Variants in ATP1A1 observed in about 807,000 individuals in gnomAD.
ATP1A1 encodes ATPase Na+/K+ transporting subunit alpha 1, also known as sodium/potassium-transporting ATPase subunit alpha-1.
ATP1A1 carries 14 observed loss-of-function variants against 114.8 expected under a neutral mutation model. That is an observed-to-expected ratio of 0.12 (90% CI 0.08 to 0.19). The LOEUF (loss-of-function observed/expected upper bound fraction) is 0.19, where lower values mean the gene tolerates loss of function less well. Among genes scored for constraint, ATP1A1 ranks in the 10% least tolerant of loss-of-function variants. ATP1A1 has a pLI of 1.00. For missense variants in ATP1A1, 524 were observed against 1,290.7 expected (o/e 0.41, Z 9.10); for synonymous variants, 471 against 466.3 (o/e 1.01, Z -0.13).
Position 116,397,880 on chromosome 1 carries a change from A to C in ATP1A1, c.1974-8A>C, listed in dbSNP as rs1342388432. ...GTGACTTTTTTTTTTTTTTTGTCCT[A>C]ATTCTAGGGATGCCAAGGCCTGCGT... On this transcript the variant is annotated splice_region_variant and splice_polypyrimidine_tract_variant and intron_variant, in intron 14 of 22. Coordinates refer to ENST00000295598, the MANE Select transcript of ATP1A1 (RefSeq NM_000701.8). The surrounding 1 kb of genome is among the most constrained non-coding windows in gnomAD (Gnocchi z 4.2). 16 of 1,559,916 alleles carry C rather than the reference A, an allele frequency of 1.0e-5. No homozygotes were observed. The highest frequency in any genetic ancestry group is 1.4e-5 in the African/African-American group (1 of 69,094).
In ATP1A1 at chr1:116,404,018, G is replaced by T; in HGVS notation, c.3043+43G>T. 2 of 1,574,992 alleles carry T rather than the reference G, an allele frequency of 1.3e-6. No individual in the cohort carries two copies. Among genetic ancestry groups the T allele is most frequent in the South Asian group, 2.2e-5 (2 of 89,650 alleles). On this transcript the variant is annotated intron_variant, in intron 22 of 22. Transcript: ENST00000295598. The surrounding 1 kb of genome is among the most constrained non-coding windows in gnomAD (Gnocchi z 4.8). Reference sequence around the variant, plus strand: ...GACTTTGGTTGGAGGAGGAGTGGGAGGGGCTATAGTTCTATTGGTTTTTTG... The same window carrying T: ...GACTTTGGTTGGAGGAGGAGTGGGATGGGCTATAGTTCTATTGGTTTTTTG...
Position 116,388,765 on chromosome 1 carries a change from G to T in ATP1A1, c.629G>T (p.Gly210Val). The change falls in exon 6 of 23, where the codon GGC becomes GTC. Residue 210 changes from glycine (G) to valine (V), a missense_variant. By Grantham distance (109) the Gly-to-Val change is moderately radical. Around this residue, in one of 8 missense-constraint regions of ATP1A1, gnomAD observed 141 missense variants for 316.6 expected, o/e 0.45. Transcript: ENST00000295598. The surrounding 1 kb of genome is among the most constrained non-coding windows in gnomAD (Gnocchi z 5.6). ...PADLRIISAN[G>V]CKVDNSSLTG... is the part of the protein sequence containing the mutation. ...GACCTCAGAATCATATCTGCAAATG[G>T]CTGCAAGGTAGCTCTTTTATTTTAA... The T allele has an allele frequency of 6.2e-7, 1 of 1,614,080 alleles. No individual in the cohort carries two copies. The highest frequency in any genetic ancestry group is 8.5e-7 in the Non-Finnish European group (1 of 1,180,014).
rs1005671557 is a variant in ATP1A1, at chr1:116,385,076, G to A, written c.183+234G>A. On this transcript the variant is annotated intron_variant, in intron 3 of 22. Coordinates refer to ENST00000295598, the MANE Select transcript of ATP1A1 (RefSeq NM_000701.8). This position sits in a 1 kb window ranked among gnomAD's most constrained non-coding sequence, Gnocchi z 4.3. ...CTTTTCCCTATTTTATAGCAGTTGA[G>A]AGCCAGTAAGTGGGAACACCAGGAC... The A allele has an allele frequency of 4.3e-6, 2 of 469,556 alleles. No individual in the cohort carries two copies. The highest frequency in any genetic ancestry group is 7.5e-6 in the Non-Finnish European group (2 of 265,532). The allele number at this position is 469,556 out of a possible 1,614,324, so 29.1% of individuals were successfully genotyped here.
chr1:116,386,862 A>G (rs1652133504), intron 3 of ATP1A1, among the ~76,000 whole-genome samples: 1 of 152,220 alleles, frequency 6.6e-6, no homozygotes, highest in African/African-American at 2.4e-5. Flanking sequence ...TGATGTTTGT[A>G]GAGGGGTTTT....
chr1:116,396,474 C>T, intron 13 of ATP1A1, 124 bp from the exon 14 acceptor site: 5 of 1,218,722 alleles, frequency 4.1e-6, no homozygotes, highest in South Asian at 3.3e-5. Flanking sequence ...TTTATATTTG[C>T]ATTCCTTTCC....
intron 8 of ATP1A1, 41 bp from the exon 9 acceptor site, chr1:116,390,172 G>C: frequency 1.3e-6 from 2 of 1,584,906 alleles, no homozygotes; most frequent in Non-Finnish European, 1.7e-6. Context: ...TAGAATTCCA[G>C]CCTGGTTGAG....
At chr1:116,382,926 C>CT (rs1040730458) in intron 1 of ATP1A1, among the ~76,000 whole-genome samples, 1 of 152,044 alleles carries the variant, frequency 6.6e-6, no homozygotes, top group Non-Finnish European at 1.5e-5. Flanking sequence ...ACTTTTTGGC[C>CT]TTAAGTTGTA....
In ATP1A1 at chr1:116,393,446, T is replaced by C. The variant is rs139336321; in HGVS notation, c.1468-85T>C. On this transcript the variant is annotated intron_variant, in intron 11 of 22. Transcript: ENST00000295598. This position sits in a 1 kb window ranked among gnomAD's most constrained non-coding sequence, Gnocchi z 5.0. ...ATCTTGGGTCTTTTATAGCAAATAC[T>C]AAATAGTAAGTGAAGCTTTGTTTTC... 5.1e-5 allele frequency: 73 copies of C among 1,428,010 alleles called. No homozygotes were observed. In the African/African-American group the frequency reaches 9.0e-4, roughly 18 times the overall value. The allele number at this position is 1,428,010 out of a possible 1,614,324, so 88.5% of individuals were successfully genotyped here. A position where few individuals can be genotyped will look rare whatever the true frequency, so the allele number is the denominator to read the frequency against.
Position 116,389,131 on chromosome 1 carries a change from G to A in ATP1A1, c.754+112G>A. 1.8e-6 allele frequency: 2 copies of A among 1,121,082 alleles called. No homozygotes were observed. Among genetic ancestry groups the A allele is most frequent in the South Asian group, 2.8e-5 (2 of 70,738 alleles). 69.4% of individuals were successfully genotyped at this position (1,121,082 alleles called of 1,614,324 possible). On this transcript the variant is annotated intron_variant, in intron 7 of 22. Coordinates refer to ENST00000295598, the MANE Select transcript of ATP1A1 (RefSeq NM_000701.8). This position sits in a 1 kb window ranked among gnomAD's most constrained non-coding sequence, Gnocchi z 6.9. Reference sequence around the variant, plus strand: ...TTATTGGCTCCATTTCTGAGAACTTGTGTCAAGCACAGAGCAGAGGTGTTT... The same window carrying A: ...TTATTGGCTCCATTTCTGAGAACTTATGTCAAGCACAGAGCAGAGGTGTTT...
At chr1:116,373,877 G>T in intron 1 of ATP1A1, 2 of 1,271,580 alleles carry the variant, frequency 1.6e-6, no homozygotes, top group South Asian at 4.8e-5. Flanking sequence ...AGCAGCGGGG[G>T]CGGCCCCGGG....
Position 116,395,686 on chromosome 1 carries a change from A to G in ATP1A1, c.1836+401A>G, listed in dbSNP as rs954790731. On this transcript the variant is annotated intron_variant, in intron 13 of 22. Transcript: ENST00000295598. The surrounding 1 kb of genome is among the most constrained non-coding windows in gnomAD (Gnocchi z 6.4). ...TATCTGTCTTTTTTTAAGTAGCTGA[A>G]TATTACTCAAGTGCACTAATATCCT... Among the ~76,000 whole-genome samples, 1 of 152,128 alleles carries G rather than the reference A, an allele frequency of 6.6e-6. No homozygotes were observed. The highest frequency in any genetic ancestry group is 1.5e-5 in the Non-Finnish European group (1 of 68,010).
chr1:116,402,151 G>C, intron 21 of ATP1A1: 1 of 154,630 alleles, frequency 6.5e-6, no homozygotes. Flanking sequence ...TCAGTCATGG[G>C]TAGAGTTGAT....
Position 116,399,359 on chromosome 1 carries a change from G to T in ATP1A1, c.2449-61G>T. The T allele has an allele frequency of 6.4e-7, 1 of 1,568,498 alleles. No individual in the cohort carries two copies. Among genetic ancestry groups the T allele is most frequent in the Non-Finnish European group, 8.6e-7 (1 of 1,157,940 alleles). On this transcript the variant is annotated intron_variant, in intron 17 of 22. Coordinates refer to ENST00000295598, the MANE Select transcript of ATP1A1 (RefSeq NM_000701.8). The surrounding 1 kb of genome is among the most constrained non-coding windows in gnomAD (Gnocchi z 5.0). ...GAGGGCAAGAATTTTATAACAAAAG[G>T]TTCACAATATTAGCTTCCTTATTTT...
At position 116,400,961 on chromosome 1, in the gene ATP1A1, T is replaced by C; in HGVS notation, c.2673T>C (p.Asp891=). 6.2e-7 allele frequency: 1 copy of C among 1,614,194 alleles called. No homozygotes were observed. The highest frequency in any genetic ancestry group is 8.5e-7 in the Non-Finnish European group (1 of 1,180,040). ...IHLLGLRVDW[D]DRWINDVEDS... ...TGTTGGGCCTCCGAGTGGACTGGGA[T>C]GACCGCTGGATCAACGATGTGGAAG... The change falls in exon 19 of 23, where the codon GAT becomes GAC. Residue 891 remains aspartate (D), a synonymous_variant. Coordinates refer to ENST00000295598, the MANE Select transcript of ATP1A1 (RefSeq NM_000701.8).
chr1:116,402,062 CCTTT>C (rs1337249601), intron 21 of ATP1A1: 2 of 177,100 alleles, frequency 1.1e-5, no homozygotes, highest in African/African-American at 4.8e-5. Flanking sequence ...AAGTCATCCA[CCTTT>C]CTGAGACTCT....
rs1311490781 is a variant in ATP1A1, at chr1:116,388,743, C to T, written c.607C>T (p.Leu203Phe). The T allele has an allele frequency of 6.2e-7, 1 of 1,614,164 alleles. No individual in the cohort carries two copies. The highest frequency in any genetic ancestry group is 8.5e-7 in the Non-Finnish European group (1 of 1,180,036). ...AGGAGGAGACCGAATTCCTGCTGAC[C>T]TCAGAATCATATCTGCAAATGGCTG... ...VKGGDRIPAD[L>F]RIISANGCKV... The change falls in exon 6 of 23, where the codon CTC becomes TTC. Residue 203 changes from leucine (L) to phenylalanine (F), a missense_variant. By Grantham distance (22) the Leu-to-Phe change is conservative. This residue lies in a region of ATP1A1 where 141 missense variants were observed against 316.6 expected (regional missense o/e 0.45). Transcript: ENST00000295598. This position sits in a 1 kb window ranked among gnomAD's most constrained non-coding sequence, Gnocchi z 5.6.
chr1:116,390,132 T>C, intron 8 of ATP1A1, 81 bp from the exon 9 acceptor site: 1 of 1,375,270 alleles, frequency 7.3e-7, no homozygotes, highest in South Asian at 1.3e-5. Flanking sequence ...GACAAATTTC[T>C]TCCACATTAG....
chr1:116,373,982 A>G, intron 1 of ATP1A1: 1 of 1,376,158 alleles, frequency 7.3e-7, no homozygotes, highest in Non-Finnish European at 9.4e-7. Context: ...CCCTGAGGAA[A>G]GGCGCGCTCC....
intron 21 of ATP1A1, among the ~76,000 whole-genome samples, chr1:116,402,700 C>T (rs1162804024): frequency 6.6e-6 from 1 of 152,204 alleles, no homozygotes; most frequent in African/African-American, 2.4e-5. Flanking sequence ...TGGTAAGATC[C>T]TTCCTCCCCA....
Sources: allele counts gnomAD v4.1 joint callset (sites outside exome capture counted in the v4.1 genomes callset), GRCh38; gene constraint gnomAD v4.1.1; regional missense constraint gnomAD v4.1.1; non-coding constraint Gnocchi (gnomAD v3.1); transcripts MANE v1.5; gene names NCBI Gene and HGNC (gene_info 2026-07-23, HGNC 2026-07-21).